TOM1L1: variants seen among roughly 807,000 people sequenced by gnomAD.
The protein encoded by TOM1L1 is TOM1-like protein 1.
TOM1L1 carries 64 observed loss-of-function variants against 63.4 expected under a neutral mutation model. The ratio of observed to expected loss-of-function variants is 1.01; its 90% CI spans 0.83 to 1.24. The LOEUF (loss-of-function observed/expected upper bound fraction) is 1.24. Ranked by LOEUF, TOM1L1 falls within the 50% of genes most tolerant of loss-of-function variation. The probability of loss-of-function intolerance (pLI) is 0.00; values close to 1 mark genes in which losing one functional copy is unlikely to be tolerated. For synonymous variants in TOM1L1, 166 were observed against 194.4 expected (o/e 0.85, Z 1.22); for missense variants, 536 against 567.0 (o/e 0.95, Z 0.55).
At chr17:54,949,998 T>C (rs772154575) in intron 13 of TOM1L1, 47 bp from the exon 14 acceptor site, 39 of 1,440,612 alleles carry the variant, frequency 2.7e-5, no homozygotes, top group African/African-American at 5.7e-5. Context: ...TTGCGTGTAC[T>C]CCTCAAAAAG....
At chr17:54,900,989 C>T (rs2048316384) in intron 1 of TOM1L1, 66 bp downstream of exon 1, 6 of 1,605,244 alleles carry the variant, frequency 3.7e-6, no homozygotes, top group South Asian at 1.1e-5. Flanking sequence ...CTGCTTGATC[C>T]ATTCTCGGCC....
intron 14 of TOM1L1, chr17:54,954,671 G>A (rs1290854880): frequency 6.6e-6 from 1 of 152,250 alleles, no homozygotes; most frequent in Admixed American, 6.5e-5. Flanking sequence ...CTTGGAGGGG[G>A]TAGTAAAGGG....
chr17:54,920,549 C>T (rs2048667434), intron 7 of TOM1L1, among the ~76,000 whole-genome samples: 1 of 152,232 alleles, frequency 6.6e-6, no homozygotes, highest in Non-Finnish European at 1.5e-5. Context: ...CAGACCAGCT[C>T]AGAGCTCACA....
chr17:54,920,514 C>G (rs9914836), intron 7 of TOM1L1, among the ~76,000 whole-genome samples: 38,090 of 152,148 alleles, frequency 0.25, 4,936 homozygotes, highest in Non-Finnish European at 0.28. Flanking sequence ...TGAGACTATT[C>G]AGTGCCTGAT....
intron 14 of TOM1L1, among the ~76,000 whole-genome samples, chr17:54,958,665 G>A (rs910086978): frequency 6.7e-6 from 1 of 148,840 alleles, no homozygotes; most frequent in Non-Finnish European, 1.5e-5. Flanking sequence ...AGGAGGTAGA[G>A]GCTGCAGTGA....
At chr17:54,953,529 C>CT (rs1417621327) in intron 14 of TOM1L1, 4 of 152,296 alleles carry the variant, frequency 2.6e-5, no homozygotes, top group African/African-American at 9.6e-5. Context: ...TGGGCTTGTC[C>CT]TCCTCCTTCC....
intron 5 of TOM1L1, among the ~76,000 whole-genome samples, 156 bp from the exon 6 acceptor site, chr17:54,914,483 A>G (rs1280983916): frequency 6.6e-6 from 1 of 152,198 alleles, no homozygotes; most frequent in Non-Finnish European, 1.5e-5. Context: ...CATTCTTCAC[A>G]AAATGCTGGA....
chr17:54,947,563 C>G (rs547226468), intron 12 of TOM1L1, among the ~76,000 whole-genome samples: 1 of 152,342 alleles, frequency 6.6e-6, no homozygotes, highest in East Asian at 1.9e-4. Context: ...GTCAAGGTCA[C>G]TGGTGACTTC....
rs1802212 is a variant in TOM1L1 at position 54,961,293 on chromosome 17, A to C, written c.*60A>C. 0.26 allele frequency: 398,857 copies of C among 1,550,972 alleles called. 54,333 individuals carry two copies. The highest frequency in any genetic ancestry group is 0.28 in the Non-Finnish European group (322,564 of 1,146,508). On this transcript the variant is annotated 3_prime_UTR_variant, in exon 16 of 16. Transcript: ENST00000575882. ...AAGGTGCCAACTCTCTAAAACGTAG[A>C]CTCTGTGCAGCTTTGAAGCCTGGAA...
rs1303423305 is a variant in TOM1L1, at chr17:54,905,681, T to C, written c.222+114T>C. On this transcript the variant is annotated intron_variant, in intron 3 of 15. Coordinates refer to ENST00000575882, the MANE Select transcript of TOM1L1 (RefSeq NM_005486.3). The stretch of plus-strand genomic sequence containing the variant: ...ATTCTGAGAAAACTAATAGGTTAGC[T>C]AGGAGTTGTGTACAGTATGACTTAA... The C allele has an allele frequency of 1.2e-5, 8 of 669,986 alleles. No individual in the cohort carries two copies. The East Asian group carries it at 2.2e-4, about 18-fold the overall frequency. 41.5% of individuals were successfully genotyped at this position (669,986 alleles called of 1,614,324 possible).
chr17:54,912,812 T>C lies in TOM1L1; in HGVS notation c.369T>C (p.Ile123=), dbSNP rs757508355. 1 of 1,603,300 alleles carries C rather than the reference T, an allele frequency of 6.2e-7. No homozygotes were observed. The highest frequency in any genetic ancestry group is 1.1e-5 in the South Asian group (1 of 88,390). ...TTCAGAATAGAATCTTGAATTTCAT[T>C]AAGGTAAGTCTGTTGTATACCTCAT... ...LDIQNRILNF[I]KTWSQGFPGG... The change falls in exon 4 of 16, where the codon ATT becomes ATC. Residue 123 remains isoleucine (I), a synonymous_variant. Transcript: ENST00000575882.
At chr17:54,905,457 A>G in intron 2 of TOM1L1, 32 bp from the exon 3 acceptor site, 2 of 1,450,632 alleles carry the variant, frequency 1.4e-6, no homozygotes, top group Non-Finnish European at 1.9e-6. Flanking sequence ...GCAATGCCTA[A>G]ATTGGTGATT....
At chr17:54,942,811 G>A (rs948510410) in intron 11 of TOM1L1, among the ~76,000 whole-genome samples, 6 of 152,188 alleles carry the variant, frequency 3.9e-5, no homozygotes, top group Admixed American at 3.3e-4. Flanking sequence ...CAAAACTGCC[G>A]TGTGCTATTC....
intron 14 of TOM1L1, chr17:54,959,207 T>C (rs543009308): frequency 6.6e-6 from 1 of 152,346 alleles, no homozygotes; most frequent in Admixed American, 6.5e-5. Flanking sequence ...CATGGTTTCA[T>C]AGCGCTGTGA....
chr17:54,949,279 C>T (rs527695571), intron 12 of TOM1L1, among the ~76,000 whole-genome samples: 6 of 145,670 alleles, frequency 4.1e-5, no homozygotes, highest in Admixed American at 1.4e-4. Context: ...TCAAGTAATC[C>T]TCCCACCTAT....
At chr17:54,957,671 T>C (rs1032011224) in intron 14 of TOM1L1, 1 of 152,156 alleles carries the variant, frequency 6.6e-6, no homozygotes, top group Non-Finnish European at 1.5e-5. Context: ...GCACAGAATC[T>C]TGCAGGAAAT....
intron 3 of TOM1L1, among the ~76,000 whole-genome samples, chr17:54,908,437 A>G (rs2048445594): frequency 6.6e-6 from 1 of 152,236 alleles, no homozygotes; most frequent in Admixed American, 6.5e-5. Flanking sequence ...AATTAGTCAC[A>G]GGAGTCACCT....
chr17:54,957,421 T>C (rs1436770608), intron 14 of TOM1L1: 1 of 152,252 alleles, frequency 6.6e-6, no homozygotes, highest in Non-Finnish European at 1.5e-5. Context: ...AAACGTTTTT[T>C]TAATCAGTTT....
At chr17:54,959,702 C>T (rs1472162787) in intron 14 of TOM1L1, among the ~76,000 whole-genome samples, 2 of 151,606 alleles carry the variant, frequency 1.3e-5, no homozygotes, top group East Asian at 2.0e-4. Flanking sequence ...ACTGCAATCT[C>T]CGCCTCCTAG....
Sources: gnomAD v4.1 joint callset for allele counts (sites outside exome capture counted in the v4.1 genomes callset) on GRCh38, gnomAD v4.1.1 for gene constraint, MANE v1.5 for transcripts, NCBI Gene and HGNC (gene_info 2026-07-23, HGNC 2026-07-21) for gene names.